PDIA6: variants seen among roughly 807,000 people sequenced by gnomAD.
The protein encoded by PDIA6 is protein disulfide isomerase family A member 6.
In PDIA6, 29 loss-of-function variants were observed where a neutral mutation model predicts 58.4. That is an observed-to-expected ratio of 0.50 (90% confidence interval 0.37 to 0.68). The LOEUF (loss-of-function observed/expected upper bound fraction) is 0.68, where lower values mean the gene tolerates loss of function less well. PDIA6 is among the 30% of genes least tolerant of loss of function. PDIA6 has a pLI of 0.00. For missense variants in PDIA6, 480 were observed against 551.0 expected, an observed-to-expected ratio of 0.87 and a Z score of 1.29; for synonymous variants, 192 against 202.6, an observed-to-expected ratio of 0.95 and a Z score of 0.44.
chr2:10,785,967 G>C (rs907912616), intron 11 of PDIA6, among the ~76,000 whole-genome samples: 2 of 151,368 alleles, frequency 1.3e-5, no homozygotes, highest in Non-Finnish European at 2.9e-5. Flanking sequence ...GCCTGCCTCA[G>C]ACTCCCAAAG....
chr2:10,786,804 G>C (rs1318552784), intron 11 of PDIA6, among the ~76,000 whole-genome samples: 6 of 152,158 alleles, frequency 3.9e-5, no homozygotes, highest in Non-Finnish European at 5.9e-5. Flanking sequence ...TCTGTATATT[G>C]GTTTTAGAAC....
chr2:10,802,242 T>G (rs549350431), intron 2 of PDIA6, among the ~76,000 whole-genome samples: 34 of 152,362 alleles, frequency 2.2e-4, no homozygotes, highest in African/African-American at 8.2e-4. Flanking sequence ...AGTTAATCAC[T>G]GGCCCCTCCA....
At chr2:10,788,006 C>A (rs1558438573) in intron 10 of PDIA6, among the ~76,000 whole-genome samples, 1 of 146,932 alleles carries the variant, frequency 6.8e-6, no homozygotes, top group Non-Finnish European at 1.5e-5. Flanking sequence ...GCGGAGGTTG[C>A]AGTAAGCCGA....
chr2:10,806,628 C>CGAAGGAA (rs1553339930), intron 1 of PDIA6, among the ~76,000 whole-genome samples: 7 of 70,410 alleles, frequency 9.9e-5, no homozygotes, highest in African/African-American at 2.5e-4. Context: ...AAAATAAAGA[C>CGAAGGAA]AGAAAGAAAG....
intron 4 of PDIA6, among the ~76,000 whole-genome samples, chr2:10,793,403 T>C (rs1159682466): frequency 6.6e-6 from 1 of 152,182 alleles, no homozygotes; most frequent in African/African-American, 2.4e-5. Flanking sequence ...CCAATTCCTT[T>C]TCCTTTTTTA....
intron 1 of PDIA6, among the ~76,000 whole-genome samples, chr2:10,824,622 A>T (rs1420974090): frequency 6.6e-6 from 1 of 152,210 alleles, no homozygotes; most frequent in Non-Finnish European, 1.5e-5. Context: ...AGAAGCATGG[A>T]TCCCTGTTGT....
Position 10,797,112 on chromosome 2 carries a change from T to A in PDIA6, c.315A>T (p.Gly105=), listed in dbSNP as rs760705597. The A allele has an allele frequency of 7.4e-6, 12 of 1,613,320 alleles. No individual in the cohort carries two copies. The East Asian group carries it at 1.3e-4, about 18-fold the overall frequency. ...VQGFPTIKIF[G]SNKNRPEDYQ... Reference sequence around the variant, plus strand: ...AATCTTCTGGTCTGTTTTTGTTGGATCCAAAAATCTTAATGGTAGGAAATC... The same window carrying A: ...AATCTTCTGGTCTGTTTTTGTTGGAACCAAAAATCTTAATGGTAGGAAATC... Residue 105 remains glycine, a synonymous_variant, in exon 4 of 13, where the codon GGA becomes GGT. Coordinates refer to ENST00000272227, the MANE Select transcript of PDIA6 (RefSeq NM_005742.4).
intron 4 of PDIA6, among the ~76,000 whole-genome samples, chr2:10,793,753 C>T (rs377733649): frequency 4.9e-4 from 74 of 152,232 alleles, no homozygotes; most frequent in South Asian, 4.4e-3. Context: ...AAATGTTTAC[C>T]GAACATGAAC....
chr2:10,805,811 C>CA (rs1666705601), intron 1 of PDIA6, among the ~76,000 whole-genome samples: 2 of 91,070 alleles, frequency 2.2e-5, no homozygotes, highest in Non-Finnish European at 5.1e-5. Context: ...ATTGCAAGAA[C>CA]AAAAAACCAA....
At chr2:10,806,368 A>G (rs1438166475) in intron 1 of PDIA6, among the ~76,000 whole-genome samples, 2 of 63,932 alleles carry the variant, frequency 3.1e-5, no homozygotes, top group South Asian at 1.1e-3. Flanking sequence ...ACCTTGTCTC[A>G]AAAAAAAAAA....
At chr2:10,798,564 T>TC (rs376683142) in intron 2 of PDIA6, among the ~76,000 whole-genome samples, 10 of 72,712 alleles carry the variant, frequency 1.4e-4, no homozygotes, top group Admixed American at 7.0e-4. Context: ...CAAGACTCTG[T>TC]CCCCCACCCA....
At chr2:10,784,629 A>G in intron 12 of PDIA6, 1 of 501,706 alleles carries the variant, frequency 2.0e-6, no homozygotes, top group East Asian at 3.3e-5. Flanking sequence ...CAAAGCTATC[A>G]TTTTCTATTT....
chr2:10,824,909 T>C (rs1667505952), intron 1 of PDIA6, among the ~76,000 whole-genome samples: 1 of 152,212 alleles, frequency 6.6e-6, no homozygotes, highest in Non-Finnish European at 1.5e-5. Context: ...TGCAAAGTAT[T>C]GATCCTGGGT....
At chr2:10,833,698 C>T (rs571693273), upstream of PDIA6, among the ~76,000 whole-genome samples, 1 of 152,326 alleles carries the variant, frequency 6.6e-6, no homozygotes, top group South Asian at 2.1e-4. Flanking sequence ...CTCCCGGAGG[C>T]AGGGCCTGGA....
chr2:10,788,963 C>G lies in PDIA6; in HGVS notation c.859G>C (p.Ala287Pro). ...TGGTGCTCCTCACACGTCCTCTTGG[C>G]AATGTCCTCGTTGATAATCTGTGGG... Reference protein sequence around the residue: ...ELLEIINEDIAKRTCEEHQLC... With the variant: ...ELLEIINEDIPKRTCEEHQLC... Residue 287 changes from alanine to proline, a missense_variant, in exon 9 of 13, where the codon GCC becomes CCC. Transcript: ENST00000272227. The G allele has an allele frequency of 6.2e-7, 1 of 1,614,024 alleles. No individual in the cohort carries two copies. Among genetic ancestry groups the G allele is most frequent in the Non-Finnish European group, 8.5e-7 (1 of 1,179,856 alleles).
At chr2:10,815,380 G>C (rs956014149), upstream of PDIA6, 3 of 152,218 alleles carry the variant, frequency 2.0e-5, no homozygotes, top group African/African-American at 7.2e-5. Flanking sequence ...CTGACAAAGA[G>C]AAGCCCCTGG....
Position 10,796,060 on chromosome 2 carries a change from CT to C in PDIA6, c.346+1020del, listed in dbSNP as rs78611007. Among the ~76,000 whole-genome samples the C allele has an allele frequency of 1.3e-3, 182 of 144,124 alleles. 1 individual carries two copies. Among genetic ancestry groups the C allele is most frequent in the African/African-American group, 2.5e-3 (89 of 36,244 alleles). 94.6% of individuals were successfully genotyped at this position (144,124 alleles called of 152,430 possible). Reference sequence around the variant, plus strand: ...AAATAGAATAATCTGTTTGTGATATCTTTTTTTTTTTTTTTTTTTGAGACGG... The same window carrying C: ...AAATAGAATAATCTGTTTGTGATATCTTTTTTTTTTTTTTTTTTGAGACGG... On this transcript the variant is annotated intron_variant, in intron 4 of 12. Coordinates refer to ENST00000272227, the MANE Select transcript of PDIA6 (RefSeq NM_005742.4).
upstream of PDIA6, chr2:10,812,918 G>T (rs966820988): frequency 6.0e-5 from 60 of 993,562 alleles, no homozygotes; most frequent in South Asian, 2.1e-4. Context: ...AGGCGGCCGG[G>T]TAGAGGTTAC....
chr2:10,810,292 G>A, intron 1 of PDIA6: 1 of 1,535,026 alleles, frequency 6.5e-7, no homozygotes, highest in Admixed American at 2.0e-5. Flanking sequence ...AAGGGCTGGA[G>A]AATGCAGGGG....
Sources: allele counts gnomAD v4.1 joint callset (sites outside exome capture counted in the v4.1 genomes callset), GRCh38; gene constraint gnomAD v4.1.1; transcripts MANE v1.5; gene names NCBI Gene and HGNC (gene_info 2026-07-23, HGNC 2026-07-21).